Variants in CIMAP3 observed in about 807,000 individuals in gnomAD.
The protein encoded by CIMAP3 is ciliary microtubule-associated protein 3.
At chr1:111,334,319 A>T in the CIMAP3 span, among the ~76,000 whole-genome samples, 1 of 152,090 alleles carries the variant, frequency 6.6e-6, no homozygotes, top group Admixed American at 6.5e-5. Context: ...GCAGGGCTCC[A>T]ATCATTTACC....
the CIMAP3 span, among the ~76,000 whole-genome samples, chr1:111,335,711 T>A: frequency 2.6e-5 from 4 of 152,226 alleles, no homozygotes; most frequent in Non-Finnish European, 4.4e-5. Flanking sequence ...TCGAACTGGG[T>A]GGAGCCCACC....
chr1:111,347,890 G>A, the CIMAP3 span: 1 of 727,708 alleles, frequency 1.4e-6, no homozygotes, highest in East Asian at 2.7e-5. Flanking sequence ...TTAAAGAAAA[G>A]TAGGCATTTA....
At chr1:111,348,583 T>C in the CIMAP3 span, 1 of 1,612,824 alleles carries the variant, frequency 6.2e-7, no homozygotes, top group Non-Finnish European at 8.5e-7. Context: ...AAACAAAATT[T>C]TGCTCCATTT....
chr1:111,350,105 G>A, the CIMAP3 span: 2 of 1,609,274 alleles, frequency 1.2e-6, no homozygotes, highest in Non-Finnish European at 1.7e-6. Context: ...TTTATTTCTA[G>A]CCCTGGTGCA....
chr1:111,335,365 G>A, the CIMAP3 span, among the ~76,000 whole-genome samples: 2 of 152,206 alleles, frequency 1.3e-5, no homozygotes, highest in African/African-American at 4.8e-5. Context: ...AGTGGGTGCA[G>A]CACACTGTGC....
At chr1:111,346,868 C>A in the CIMAP3 span, 1 of 1,606,702 alleles carries the variant, frequency 6.2e-7, no homozygotes. Context: ...CACGTAGACC[C>A]AGGTGCCGTC....
chr1:111,351,366 G>A, the CIMAP3 span: 2 of 1,444,064 alleles, frequency 1.4e-6, no homozygotes, highest in East Asian at 2.3e-5. Context: ...CTTATACACA[G>A]ACTCTCCAGG....
chr1:111,335,826 CT>C, the CIMAP3 span, among the ~76,000 whole-genome samples: 1 of 152,240 alleles, frequency 6.6e-6, no homozygotes, highest in South Asian at 2.1e-4. Flanking sequence ...ATGTCCCTGT[CT>C]GACAGCTTTG....
the CIMAP3 span, among the ~76,000 whole-genome samples, chr1:111,328,346 T>C: frequency 1.3e-5 from 2 of 152,264 alleles, no homozygotes; most frequent in African/African-American, 2.4e-5. Flanking sequence ...TAGAGAGTTC[T>C]GTAAAGGTCT....
chr1:111,348,966 C>T, the CIMAP3 span: 10 of 200,452 alleles, frequency 5.0e-5, no homozygotes, highest in Non-Finnish European at 1.0e-4. Context: ...CAGGCAAATA[C>T]ACAAGAAAAT....
the CIMAP3 span, among the ~76,000 whole-genome samples, chr1:111,327,980 A>G: frequency 6.6e-6 from 1 of 152,154 alleles, no homozygotes; most frequent in Non-Finnish European, 1.5e-5. Context: ...TGATGTGGAC[A>G]TTTAATGCTA....
At chr1:111,343,358 A>T in the CIMAP3 span, among the ~76,000 whole-genome samples, 3 of 152,222 alleles carry the variant, frequency 2.0e-5, no homozygotes, top group Non-Finnish European at 4.4e-5. Context: ...AATAATTCTT[A>T]TATGTCCTCA....
chr1:111,336,286 C>T, the CIMAP3 span, among the ~76,000 whole-genome samples: 13 of 152,176 alleles, frequency 8.5e-5, no homozygotes, highest in South Asian at 4.1e-4. Context: ...CTCTAAAAAA[C>T]GGAGCACCTC....
At chr1:111,332,810 C>T in the CIMAP3 span, among the ~76,000 whole-genome samples, 3 of 152,134 alleles carry the variant, frequency 2.0e-5, no homozygotes, top group South Asian at 4.1e-4. Flanking sequence ...GTTTCTGAGG[C>T]CCAGAACATG....
the CIMAP3 span, among the ~76,000 whole-genome samples, chr1:111,345,890 T>C: frequency 6.6e-6 from 1 of 152,200 alleles, no homozygotes; most frequent in South Asian, 2.1e-4. Context: ...ACCCACCAAG[T>C]ACCACGTTCT....
chr1:111,347,659 A>G, the CIMAP3 span: 1 of 1,421,012 alleles, frequency 7.0e-7, no homozygotes, highest in South Asian at 1.5e-5. Flanking sequence ...TTGTTTTTTA[A>G]TATACCACCC....
At chr1:111,327,586 G>A in the CIMAP3 span, among the ~76,000 whole-genome samples, 1 of 152,156 alleles carries the variant, frequency 6.6e-6, no homozygotes, top group Non-Finnish European at 1.5e-5. Context: ...TCAGTCTTGG[G>A]AGGGTGTATG....
At chr1:111,343,096 A>C in the CIMAP3 span, among the ~76,000 whole-genome samples, 1 of 152,240 alleles carries the variant, frequency 6.6e-6, no homozygotes, top group Middle Eastern at 3.4e-3. Flanking sequence ...CATACATTGA[A>C]TTATTATTTT....
the CIMAP3 span, among the ~76,000 whole-genome samples, chr1:111,335,359 G>A: frequency 6.6e-6 from 1 of 152,058 alleles, no homozygotes; most frequent in Non-Finnish European, 1.5e-5. Context: ...CAGGTCAGTG[G>A]GTGCAGCACA....
Sources: allele counts gnomAD v4.1 joint callset (sites outside exome capture counted in the v4.1 genomes callset), GRCh38; gene constraint gnomAD v4.1.1; transcripts MANE v1.5; gene names NCBI Gene and HGNC (gene_info 2026-07-23, HGNC 2026-07-21).